The following ABI1 variants were observed in gnomAD, a reference collection of about 807,000 sequenced individuals.
ABI1 encodes abl interactor 1.
ABI1 carries 14 observed loss-of-function variants against 54.6 expected under a neutral mutation model. The ratio of observed to expected loss-of-function variants is 0.26; its 90% CI spans 0.17 to 0.40. ABI1 has a LOEUF of 0.40. Ranked by LOEUF, ABI1 falls within the 10% of genes least tolerant of loss-of-function variation. The pLI, the probability that ABI1 is intolerant of heterozygous loss-of-function variation, is 1.00. For synonymous variants in ABI1, 194 were observed against 209.3 expected (o/e 0.93, Z 0.63); for missense variants, 443 against 598.3 (o/e 0.74, Z 2.71).
intron 1 of ABI1, among the ~76,000 whole-genome samples, chr10:26,858,580 G>A (rs2051047177): frequency 6.9e-6 from 1 of 145,630 alleles, no homozygotes; most frequent in Admixed American, 7.0e-5. Flanking sequence ...CACTGACTGT[G>A]GCTATTCGTG....
intron 2 of ABI1, among the ~76,000 whole-genome samples, chr10:26,791,982 C>T (rs962756665): frequency 4.6e-5 from 7 of 151,994 alleles, no homozygotes; most frequent in Middle Eastern, 3.4e-3. Context: ...AATTATAATG[C>T]TGAATAAAAA....
chr10:26,854,219 A>G (rs576579918), intron 1 of ABI1, among the ~76,000 whole-genome samples: 17 of 152,234 alleles, frequency 1.1e-4, no homozygotes, highest in Admixed American at 4.6e-4. Context: ...GCTAAAATTG[A>G]GGTTCTAAAC....
intron 2 of ABI1, among the ~76,000 whole-genome samples, chr10:26,777,832 C>T (rs1343487227): frequency 6.6e-6 from 1 of 152,066 alleles, no homozygotes; most frequent in African/African-American, 2.4e-5. Context: ...GTATGAGTAG[C>T]TGACACTTTA....
At chr10:26,755,130 A>G (rs1015789507) in intron 9 of ABI1, among the ~76,000 whole-genome samples, 9 of 152,338 alleles carry the variant, frequency 5.9e-5, no homozygotes, top group African/African-American at 2.2e-4. Context: ...CTGGTCATTC[A>G]ATCTTATCCT....
chr10:26,842,702 GA>G (rs1330957154), intron 1 of ABI1, among the ~76,000 whole-genome samples: 2 of 152,120 alleles, frequency 1.3e-5, no homozygotes, highest in Non-Finnish European at 2.9e-5. Context: ...TAATATAAAA[GA>G]TAAAGGCAAG....
chr10:26,805,651 T>C (rs1421309212), intron 2 of ABI1, among the ~76,000 whole-genome samples: 1 of 152,182 alleles, frequency 6.6e-6, no homozygotes, highest in Non-Finnish European at 1.5e-5. Context: ...TGCCAGCTGT[T>C]TACCCTAAAA....
Position 26,816,785 on chromosome 10 carries a change from C to CATA in ABI1, c.285+6350_285+6352dup, listed in dbSNP as rs149479893. ...AAAATTTTACAGATCACAGAACAAC[C>CATA]ATAATTTTACCCATTGACTAGTAAG... On this transcript the variant is annotated intron_variant, in intron 2 of 10. Transcript: ENST00000376140. Among the ~76,000 whole-genome samples, 2,689 of 152,060 alleles carry CATA rather than the reference C, an allele frequency of 0.018. 180 individuals are homozygous for CATA. In the South Asian group the frequency reaches 0.19, roughly 11 times the overall value.
rs548787123 is a variant in ABI1, at chr10:26,794,478, T to C, written c.286-17237A>G. 3.0e-4 allele frequency among the ~76,000 whole-genome samples: 45 copies of C among 152,072 alleles called. No homozygotes were observed. The East Asian group carries it at 8.3e-3, about 28-fold the overall frequency. On this transcript the variant is annotated intron_variant, in intron 2 of 10. Transcript: ENST00000376140. ...GAAGTACAGTCTAATGACTAAGAGT[T>C]GAGTTCAGGAACCAAACTGTGTGGA... is the stretch of plus-strand genomic sequence containing the variant.
chr10:26,748,751 G>A lies in ABI1; in HGVS notation c.1271-6C>T. On this transcript the variant is annotated splice_region_variant and splice_polypyrimidine_tract_variant and intron_variant, in intron 10 of 10. Transcript: ENST00000376140. Reference sequence around the variant, plus strand: ...ATAATCATATATTGCAACAACTATGGAAAAAACAGTTGAAATATCACATGA... The same window carrying A: ...ATAATCATATATTGCAACAACTATGAAAAAAACAGTTGAAATATCACATGA... 6.2e-7 allele frequency: 1 copy of A among 1,601,774 alleles called. No individual in the cohort carries two copies. The highest frequency in any genetic ancestry group is 1.1e-5 in the South Asian group (1 of 89,812).
intron 2 of ABI1, among the ~76,000 whole-genome samples, chr10:26,803,200 T>C (rs1209626605): frequency 2.0e-5 from 3 of 151,968 alleles, no homozygotes; most frequent in African/African-American, 4.8e-5. Flanking sequence ...AATTAGGATG[T>C]TTGAAGCACA....
chr10:26,767,723 C>T (rs11015276), intron 6 of ABI1, among the ~76,000 whole-genome samples: 25,805 of 151,920 alleles, frequency 0.17, 2,687 homozygotes, highest in South Asian at 0.3. Flanking sequence ...AAAAACCCAC[C>T]GGGTAATTGA....
chr10:26,801,927 A>C (rs760936454), intron 2 of ABI1, among the ~76,000 whole-genome samples: 9 of 152,252 alleles, frequency 5.9e-5, no homozygotes, highest in South Asian at 2.1e-4. Flanking sequence ...TATAATTCAA[A>C]TAATAAATGC....
chr10:26,798,466 C>G (rs28538332), intron 2 of ABI1, among the ~76,000 whole-genome samples: 22,445 of 151,930 alleles, frequency 0.15, 2,169 homozygotes, highest in African/African-American at 0.28. Flanking sequence ...GTGCAGGTGG[C>G]CTCTAGAAGC....
At chr10:26,858,537 G>GAAAAAAAAAAAAAAAAAAAAAA (rs60132421) in intron 1 of ABI1, among the ~76,000 whole-genome samples, 1 of 94,242 alleles carries the variant, frequency 1.1e-5, no homozygotes, top group Non-Finnish European at 2.1e-5. Flanking sequence ...CACAAAAAAA[G>GAAAAAAAAAAAAAAAAAAAAAA]AAAAAAAAAA....
At chr10:26,771,308 A>G (rs1840656407) in intron 3 of ABI1, among the ~76,000 whole-genome samples, 1 of 152,196 alleles carries the variant, frequency 6.6e-6, no homozygotes, top group African/African-American at 2.4e-5. Context: ...TCATAAGGAA[A>G]CCACCACTTA....
At chr10:26,805,201 T>C (rs868646439) in intron 2 of ABI1, among the ~76,000 whole-genome samples, 7 of 152,206 alleles carry the variant, frequency 4.6e-5, no homozygotes, top group African/African-American at 1.7e-4. Context: ...GAGACTTTTA[T>C]GCCATGCTAT....
At chr10:26,793,597 C>T (rs972401468) in intron 2 of ABI1, among the ~76,000 whole-genome samples, 4 of 152,164 alleles carry the variant, frequency 2.6e-5, no homozygotes, top group Non-Finnish European at 4.4e-5. Context: ...GTCTCCTCCT[C>T]GCCTGCTTAA....
intron 1 of ABI1, among the ~76,000 whole-genome samples, chr10:26,829,211 G>A (rs1316504420): frequency 1.3e-5 from 2 of 150,722 alleles, no homozygotes; most frequent in Non-Finnish European, 2.9e-5. Flanking sequence ...AGGTGACAGA[G>A]CGAGATTCTG....
intron 1 of ABI1, among the ~76,000 whole-genome samples, chr10:26,841,430 G>T (rs2049496810): frequency 6.8e-6 from 1 of 146,326 alleles, no homozygotes; most frequent in Admixed American, 6.9e-5. Flanking sequence ...TGTTTTTGTG[G>T]CAAGGACAGC....
Sources: allele counts gnomAD v4.1 joint callset (sites outside exome capture counted in the v4.1 genomes callset), GRCh38; gene constraint gnomAD v4.1.1; transcripts MANE v1.5; gene names NCBI Gene and HGNC (gene_info 2026-07-23, HGNC 2026-07-21).